Variants in GTSE1 observed in about 807,000 individuals in gnomAD.
The protein encoded by GTSE1 is G2 and S phase-expressed protein 1.
In GTSE1, 52 loss-of-function variants were observed where a neutral mutation model predicts 60.5. The ratio of observed to expected loss-of-function variants is 0.86; its 90% CI spans 0.69 to 1.08. GTSE1 has a LOEUF of 1.08. GTSE1 is among the 50% of genes least tolerant of loss of function. The pLI, the probability that GTSE1 is intolerant of heterozygous loss-of-function variation, is 0.00. For synonymous variants in GTSE1, 368 were observed against 386.5 expected (o/e 0.95, Z 0.56); for missense variants, 937 against 961.8 (o/e 0.97, Z 0.34).
chr22:46,329,121 G>A lies in GTSE1; in HGVS notation c.1926+232G>A, dbSNP rs375962754. On this transcript the variant is annotated intron_variant, in intron 10 of 11. Transcript: ENST00000454366. The surrounding 1 kb of genome is among the most constrained non-coding windows in gnomAD (Gnocchi z 6.4). ...GGTCAGGGATCAAAGCTGAGGAAGC[G>A]GGAAGCAGGGTGGCAGGAGCTGGTG... The A allele has an allele frequency of 3.5e-4, 219 of 623,476 alleles. No homozygotes were observed. The highest frequency in any genetic ancestry group is 1.8e-3 in the African/African-American group (97 of 54,414). 38.6% of individuals were successfully genotyped at this position (623,476 alleles called of 1,614,324 possible).
At chr22:46,322,944 C>T (rs1386789552) in intron 7 of GTSE1, among the ~76,000 whole-genome samples, 1 of 152,204 alleles carries the variant, frequency 6.6e-6, no homozygotes, top group Admixed American at 6.5e-5. Flanking sequence ...TTCTCTTTCT[C>T]CCCCGTGTCC....
Position 46,317,043 on chromosome 22 carries a change from C to T in GTSE1, c.1432+631C>T, listed in dbSNP as rs1420642121. Among the ~76,000 whole-genome samples the T allele has an allele frequency of 6.6e-6, 1 of 152,016 alleles. No individual in the cohort carries two copies. The highest frequency in any genetic ancestry group is 2.4e-5 in the African/African-American group (1 of 41,380). ...GTGGCGCGATCTCAGCGCACTGTAA[C>T]CTCCACCTACCGAGTTCAAGCAATT... is the stretch of plus-strand genomic sequence containing the variant. On this transcript the variant is annotated intron_variant, in intron 7 of 11. Coordinates refer to ENST00000454366, the MANE Select transcript of GTSE1 (RefSeq NM_016426.7). This position sits in a 1 kb window ranked among gnomAD's most constrained non-coding sequence, Gnocchi z 5.6.
rs141131475 is a variant in GTSE1 at position 46,303,322 on chromosome 22, C to T, written c.80-4828C>T. On this transcript the variant is annotated intron_variant, in intron 2 of 11. Transcript: ENST00000454366. The stretch of plus-strand genomic sequence containing the variant: ...TTGCATCTTTCGTTGCTGCTAGAAA[C>T]GAAGTATTTTCTTCCATGTTATCTT... Among the ~76,000 whole-genome samples the T allele has an allele frequency of 5.4e-3, 816 of 152,302 alleles. 8 individuals carry two copies. The highest frequency in any genetic ancestry group is 0.018 in the African/African-American group (763 of 41,554).
chr22:46,303,338 A>G lies in GTSE1; in HGVS notation c.80-4812A>G, dbSNP rs570086954. Among the ~76,000 whole-genome samples, 6 of 152,254 alleles carry G rather than the reference A, an allele frequency of 3.9e-5. No homozygotes were observed. In the East Asian group the frequency reaches 9.6e-4, roughly 24 times the overall value. ...TGCTAGAAACGAAGTATTTTCTTCC[A>G]TGTTATCTTCTCACTGTTCTTTGTA... On this transcript the variant is annotated intron_variant, in intron 2 of 11. Transcript: ENST00000454366.
At chr22:46,303,602 T>A (rs1339557613) in intron 2 of GTSE1, among the ~76,000 whole-genome samples, 1 of 152,240 alleles carries the variant, frequency 6.6e-6, no homozygotes, top group Non-Finnish European at 1.5e-5. Context: ...GCCACGTGCC[T>A]GGCTTTAATG....
At chr22:46,322,439 T>C (rs2077818873) in intron 7 of GTSE1, among the ~76,000 whole-genome samples, 1 of 152,200 alleles carries the variant, frequency 6.6e-6, no homozygotes, top group South Asian at 2.1e-4. Flanking sequence ...AAGGGGGTCC[T>C]GGTGCCTGAG....
rs1170267817 is a variant in GTSE1, at chr22:46,321,058, G to A, written c.1433-2132G>A. ...GAGGCGGCGAGGGAGAGAGAGGTGGGCTTGCCTCCACACCCGCCAGGAGTG... is the reference window on the plus strand; with the variant it reads ...GAGGCGGCGAGGGAGAGAGAGGTGGACTTGCCTCCACACCCGCCAGGAGTG... On this transcript the variant is annotated intron_variant, in intron 7 of 11. Transcript: ENST00000454366. The surrounding 1 kb of genome is among the most constrained non-coding windows in gnomAD (Gnocchi z 4.0). Among the ~76,000 whole-genome samples the A allele has an allele frequency of 2.6e-5, 4 of 152,102 alleles. No individual in the cohort carries two copies. The highest frequency in any genetic ancestry group is 9.6e-5 in the African/African-American group (4 of 41,464).
At chr22:46,327,571 C>T (rs1174194498) in intron 9 of GTSE1, among the ~76,000 whole-genome samples, 2 of 151,780 alleles carry the variant, frequency 1.3e-5, no homozygotes, top group East Asian at 1.9e-4. Flanking sequence ...GCTACTCAGG[C>T]GGCTGAGGCA....
rs1000998600 is a variant in GTSE1, at chr22:46,310,364, G to C, written c.762+1421G>C. Among the ~76,000 whole-genome samples, 2 of 152,182 alleles carry C rather than the reference G, an allele frequency of 1.3e-5. No individual in the cohort carries two copies. The highest frequency in any genetic ancestry group is 1.3e-4 in the Admixed American group (2 of 15,272). ...AGCTGGAAGCTCACGCATTGCTGGT[G>C]GGACTGTGAAATGGGGCAGCTGTTG... is the stretch of plus-strand genomic sequence containing the variant. On this transcript the variant is annotated intron_variant, in intron 4 of 11. Coordinates refer to ENST00000454366, the MANE Select transcript of GTSE1 (RefSeq NM_016426.7). This position sits in a 1 kb window ranked among gnomAD's most constrained non-coding sequence, Gnocchi z 4.4.
In GTSE1 at chr22:46,324,336, A is replaced by T. The variant is rs1317793031; in HGVS notation, c.1505+1074A>T. On this transcript the variant is annotated intron_variant, in intron 8 of 11. Coordinates refer to ENST00000454366, the MANE Select transcript of GTSE1 (RefSeq NM_016426.7). The surrounding 1 kb of genome is among the most constrained non-coding windows in gnomAD (Gnocchi z 5.2). ...CAGTTTCCTCACCTCACCCAGGGTT[A>T]CTTTGAGAATTACATTTATTGGAAT... Among the ~76,000 whole-genome samples, 1 of 151,998 alleles carries T rather than the reference A, an allele frequency of 6.6e-6. No homozygotes were observed. Among genetic ancestry groups the T allele is most frequent in the Non-Finnish European group, 1.5e-5 (1 of 67,996 alleles).
intron 8 of GTSE1, 23 bp from the exon 9 acceptor site, chr22:46,326,413 G>A (rs190982565): frequency 2.6e-5 from 40 of 1,559,988 alleles, no homozygotes; most frequent in South Asian, 5.7e-5. Flanking sequence ...CTCAGCTCAC[G>A]ACACTGATGT....
chr22:46,299,086 T>C (rs1326285100), intron 2 of GTSE1, among the ~76,000 whole-genome samples: 2 of 152,276 alleles, frequency 1.3e-5, no homozygotes, highest in Admixed American at 6.5e-5. Flanking sequence ...CTTTTCACTT[T>C]TCTATCGCCA....
intron 7 of GTSE1, among the ~76,000 whole-genome samples, chr22:46,322,073 C>CA (rs769915567): frequency 0.099 from 4,352 of 44,134 alleles, 448 homozygotes; most frequent in African/African-American, 0.19. Flanking sequence ...GACTCTGTCT[C>CA]AAAAAAAAAA....
Position 46,319,189 on chromosome 22 carries a change from C to T in GTSE1, c.1432+2777C>T, listed in dbSNP as rs1192999627. ...TGAAGATGGAGGGGCAGCCCGAGGC[C>T]GGCTCCCAGAGCGCCGCGTGACCAG... is the stretch of plus-strand genomic sequence containing the variant. On this transcript the variant is annotated intron_variant, in intron 7 of 11. Transcript: ENST00000454366. This position sits in a 1 kb window ranked among gnomAD's most constrained non-coding sequence, Gnocchi z 5.0. Among the ~76,000 whole-genome samples, 4 of 152,160 alleles carry T rather than the reference C, an allele frequency of 2.6e-5. No individual in the cohort carries two copies. Among genetic ancestry groups the T allele is most frequent in the South Asian group, 2.1e-4 (1 of 4,828 alleles).
intron 5 of GTSE1, among the ~76,000 whole-genome samples, chr22:46,312,639 A>C (rs1332063069): frequency 8.2e-6 from 1 of 122,492 alleles, no homozygotes; most frequent in African/African-American, 4.3e-5. Context: ...ACCCTGTCTC[A>C]AAAAAAAAAA....
intron 8 of GTSE1, 22 bp downstream of exon 8, chr22:46,323,284 C>A: frequency 6.3e-7 from 1 of 1,574,864 alleles, no homozygotes; most frequent in Non-Finnish European, 8.7e-7. Context: ...TGGTCCGCTT[C>A]CTCTCTTTAT....
chr22:46,297,354 C>A lies in GTSE1; in HGVS notation c.-21-26C>A. 2 of 1,340,964 alleles carry A rather than the reference C, an allele frequency of 1.5e-6. No homozygotes were observed. Among genetic ancestry groups the A allele is most frequent in the Non-Finnish European group, 2.1e-6 (2 of 931,198 alleles). 83.1% of individuals were successfully genotyped at this position (1,340,964 alleles called of 1,614,324 possible). ...AGCCCTGGGCCCTGACACGTACTCA[C>A]TTTCTGGCCCCGTTCCACCCTGCAG... On this transcript the variant is annotated intron_variant, in intron 1 of 11. Transcript: ENST00000454366. This position sits in a 1 kb window ranked among gnomAD's most constrained non-coding sequence, Gnocchi z 4.9.
At chr22:46,305,151 T>A (rs1230275149) in intron 2 of GTSE1, among the ~76,000 whole-genome samples, 1 of 152,244 alleles carries the variant, frequency 6.6e-6, no homozygotes, top group Admixed American at 6.5e-5. Flanking sequence ...GAATTATTTG[T>A]TCTTTAATGT....
rs200477048 is a variant in GTSE1, at chr22:46,297,479, G to C, written c.79G>C (p.Asp27His). The C allele has an allele frequency of 2.5e-6, 4 of 1,604,800 alleles. No homozygotes were observed. The highest frequency in any genetic ancestry group is 2.6e-6 in the Non-Finnish European group (3 of 1,171,788). The part of the protein sequence containing the change: ...DVNMDDPKKE[D>H]ILLLADEKFD... ...GAACATGGATGACCCTAAGAAGGAA[G>C]GCAAGTCCTTGCTGCTGCGGCGCTG... Residue 27 changes from aspartate (D) to histidine (H), a missense_variant and splice_region_variant, in exon 2 of 12, where the codon GAC (aspartate) becomes CAC (histidine). Asp to His is a moderately conservative substitution (Grantham distance 81, BLOSUM62 -1). Transcript: ENST00000454366. The surrounding 1 kb of genome is among the most constrained non-coding windows in gnomAD (Gnocchi z 4.9).
Sources: gnomAD v4.1 joint callset for allele counts (sites outside exome capture counted in the v4.1 genomes callset) on GRCh38, gnomAD v4.1.1 for gene constraint, Gnocchi (gnomAD v3.1) non-coding constraint, MANE v1.5 for transcripts, NCBI Gene and HGNC (gene_info 2026-07-23, HGNC 2026-07-21) for gene names.